Variants in SFXN1 observed in about 807,000 individuals in gnomAD.
The protein encoded by SFXN1 is sideroflexin-1.
A neutral mutation model predicts 39.5 loss-of-function variants in SFXN1; 32 were observed. The ratio of observed to expected loss-of-function variants is 0.81; its 90% confidence interval spans 0.61 to 1.09. The LOEUF (loss-of-function observed/expected upper bound fraction) is 1.09. Ranked by LOEUF, SFXN1 falls within the 50% of genes least tolerant of loss-of-function variation. The pLI is 0.00. For synonymous variants in SFXN1, 136 were observed against 146.5 expected (o/e 0.93, Z 0.52); for missense variants, 402 against 407.1 (o/e 0.99, Z 0.11).
At position 175,513,584 on chromosome 5, in the gene SFXN1, G is replaced by A. The variant is rs757177429; in HGVS notation, c.718G>A (p.Gly240Ser). Residue 240 changes from glycine (G) to serine (S), a missense_variant, in exon 7 of 11, where the codon GGC becomes AGC. Coordinates refer to ENST00000321442, the MANE Select transcript of SFXN1 (RefSeq NM_022754.7). ...VVSRILMAAP[G>S]MAIPPFIMNT... is the part of the protein sequence containing the mutation. ...GTCCAGGATTCTCATGGCAGCCCCT[G>A]GCATGGGTTAGCAGGACTTTGTCAT... 1.5e-5 allele frequency: 24 copies of A among 1,613,652 alleles called. No homozygotes were observed. Among genetic ancestry groups the A allele is most frequent in the Non-Finnish European group, 2.0e-5 (24 of 1,179,858 alleles).
chr5:175,505,067 C>T lies in SFXN1; in HGVS notation c.165-3965C>T, dbSNP rs115234185. 4.0e-3 allele frequency among the ~76,000 whole-genome samples: 614 copies of T among 152,064 alleles called. 7 individuals carry two copies. The highest frequency in any genetic ancestry group is 0.013 in the African/African-American group (552 of 41,482). ...AAAATGTAAAGTACTTGGGAAGAAA[C>T]GCACCCAGAAATTTGCGTCAATGAT... On this transcript the variant is annotated intron_variant, in intron 2 of 10. Coordinates refer to ENST00000321442, the MANE Select transcript of SFXN1 (RefSeq NM_022754.7).
chr5:175,482,358 A>T (rs1159141801), intron 1 of SFXN1, among the ~76,000 whole-genome samples: 1 of 152,228 alleles, frequency 6.6e-6, no homozygotes, highest in Non-Finnish European at 1.5e-5. Flanking sequence ...CTAATTCCTC[A>T]TAAAGCACAT....
In SFXN1 at chr5:175,513,588, T is replaced by C; in HGVS notation, c.722T>C (p.Met241Thr). 6.2e-7 allele frequency: 1 copy of C among 1,613,722 alleles called. No homozygotes were observed. The highest frequency in any genetic ancestry group is 8.5e-7 in the Non-Finnish European group (1 of 1,179,800). Residue 241 changes from methionine (M) to threonine (T), a missense_variant and splice_region_variant, in exon 7 of 11, where the codon ATG becomes ACG. Physicochemically the swap from Met to Thr is moderately conservative, Grantham distance 81 (BLOSUM62 -1). Coordinates refer to ENST00000321442, the MANE Select transcript of SFXN1 (RefSeq NM_022754.7). ...VSRILMAAPG[M>T]AIPPFIMNTL... ...AGGATTCTCATGGCAGCCCCTGGCA[T>C]GGGTTAGCAGGACTTTGTCATTTAT...
At chr5:175,507,724 C>A (rs1399064079) in intron 2 of SFXN1, among the ~76,000 whole-genome samples, 4 of 152,158 alleles carry the variant, frequency 2.6e-5, no homozygotes, top group African/African-American at 9.7e-5. Flanking sequence ...TGTAATCCAG[C>A]CCTTTGGAGG....
intron 1 of SFXN1, among the ~76,000 whole-genome samples, chr5:175,489,290 C>T (rs1238136721): frequency 1.3e-5 from 2 of 152,174 alleles, no homozygotes; most frequent in South Asian, 2.1e-4. Context: ...CGTATGATTA[C>T]GTGTGACTTC....
chr5:175,515,524 T>C (rs1407612356), intron 7 of SFXN1, among the ~76,000 whole-genome samples: 1 of 152,178 alleles, frequency 6.6e-6, no homozygotes, highest in African/African-American at 2.4e-5. Flanking sequence ...CTGATAAAAG[T>C]TGTCAGCAAA....
At chr5:175,516,214 C>G (rs1368461607) in intron 7 of SFXN1, among the ~76,000 whole-genome samples, 1 of 152,170 alleles carries the variant, frequency 6.6e-6, no homozygotes, top group African/African-American at 2.4e-5. Context: ...GGCCCCTGGT[C>G]TAGCCTGTAC....
intron 2 of SFXN1, among the ~76,000 whole-genome samples, chr5:175,498,428 G>T (rs1023794375): frequency 1.3e-5 from 2 of 152,140 alleles, no homozygotes; most frequent in Non-Finnish European, 2.9e-5. Flanking sequence ...TGCGGTAGGT[G>T]GTAGAGCCAG....
intron 2 of SFXN1, among the ~76,000 whole-genome samples, chr5:175,505,031 A>T (rs1760234508): frequency 6.6e-6 from 1 of 152,168 alleles, no homozygotes; most frequent in Non-Finnish European, 1.5e-5. Context: ...CCCGGCCAGA[A>T]CAATTTTTTA....
In SFXN1 at chr5:175,528,130, C is replaced by G. The variant is rs566167454; in HGVS notation, c.*1396C>G. On this transcript the variant is annotated 3_prime_UTR_variant, in exon 11 of 11. Transcript: ENST00000321442. ...TAGAGACGGGGTTTCACTGTGGTCTCGATCTCCTGACCTCGTGATCCGCCC... is the reference window on the plus strand; with the variant it reads ...TAGAGACGGGGTTTCACTGTGGTCTGGATCTCCTGACCTCGTGATCCGCCC... 8 of 152,128 alleles carry G rather than the reference C, an allele frequency of 5.3e-5. No individual in the cohort carries two copies. The East Asian group carries it at 1.4e-3, about 26-fold the overall frequency. 9.4% of individuals were successfully genotyped at this position (152,128 alleles called of 1,614,324 possible).
intron 8 of SFXN1, among the ~76,000 whole-genome samples, chr5:175,518,089 AG>A (rs777570801): frequency 1.3e-5 from 2 of 152,158 alleles, no homozygotes; most frequent in African/African-American, 2.4e-5. Context: ...AGCTGTGGGC[AG>A]GTGACTCACG....
intron 2 of SFXN1, among the ~76,000 whole-genome samples, chr5:175,506,868 G>T (rs1226477398): frequency 6.6e-6 from 1 of 152,172 alleles, no homozygotes; most frequent in Non-Finnish European, 1.5e-5. Flanking sequence ...TTTTCACCAT[G>T]TTGGCCAGTC....
chr5:175,501,415 A>T (rs916322079), intron 2 of SFXN1, among the ~76,000 whole-genome samples: 1 of 152,156 alleles, frequency 6.6e-6, no homozygotes, highest in Admixed American at 6.5e-5. Context: ...GACAATTATC[A>T]ATTGAAACGG....
chr5:175,526,502 G>A lies in SFXN1; in HGVS notation c.873-136G>A, dbSNP rs80043499. On this transcript the variant is annotated intron_variant, in intron 10 of 10. Transcript: ENST00000321442. Reference sequence around the variant, plus strand: ...AGGAACGTGATCTCGTTTTCTAGCCGCATGAAGCATTTCTCCAACAAGACC... The same window carrying A: ...AGGAACGTGATCTCGTTTTCTAGCCACATGAAGCATTTCTCCAACAAGACC... The A allele has an allele frequency of 4.9e-3, 3,193 of 656,984 alleles. 43 individuals are homozygous for A. Among genetic ancestry groups the A allele is most frequent in the African/African-American group, 0.031 (1,710 of 55,664 alleles). 40.7% of individuals were successfully genotyped at this position (656,984 alleles called of 1,614,324 possible).
intron 2 of SFXN1, among the ~76,000 whole-genome samples, chr5:175,504,003 C>CAA (rs56776430): frequency 0.11 from 5,590 of 51,862 alleles, 667 homozygotes; most frequent in African/African-American, 0.29. Context: ...CACTCCATCT[C>CAA]AAAAAAAAAA....
intron 10 of SFXN1, 50 bp downstream of exon 10, chr5:175,522,472 C>T (rs6897931): frequency 1.3e-6 from 2 of 1,563,650 alleles, no homozygotes; most frequent in Middle Eastern, 1.7e-4. Context: ...ATCCTAAAAA[C>T]CAATTGAAGG....
chr5:175,481,951 T>G (rs549543306), intron 1 of SFXN1, among the ~76,000 whole-genome samples: 1 of 152,334 alleles, frequency 6.6e-6, no homozygotes, highest in South Asian at 2.1e-4. Context: ...GTTAGTGTGA[T>G]TGTCCTTGGC....
In SFXN1 at chr5:175,526,874, C is replaced by A; in HGVS notation, c.*140C>A. Reference sequence around the variant, plus strand: ...TCCACATTAGCCTTTTAGAATAAAGCTGCTACTTTAACAGAGCACCTGGCG... The same window carrying A: ...TCCACATTAGCCTTTTAGAATAAAGATGCTACTTTAACAGAGCACCTGGCG... On this transcript the variant is annotated 3_prime_UTR_variant, in exon 11 of 11. Transcript: ENST00000321442. 1.4e-6 allele frequency: 1 copy of A among 705,884 alleles called. No homozygotes were observed. Among genetic ancestry groups the A allele is most frequent in the Non-Finnish European group, 2.4e-6 (1 of 408,262 alleles). 43.7% of individuals were successfully genotyped at this position (705,884 alleles called of 1,614,324 possible).
chr5:175,484,998 C>T (rs189092572), intron 1 of SFXN1, among the ~76,000 whole-genome samples: 11 of 152,284 alleles, frequency 7.2e-5, no homozygotes, highest in East Asian at 1.9e-4. Context: ...TCAGTTCATG[C>T]GTGAAAGAAG....
Sources: gnomAD v4.1 joint callset for allele counts (sites outside exome capture counted in the v4.1 genomes callset) on GRCh38, gnomAD v4.1.1 for gene constraint, MANE v1.5 for transcripts, NCBI Gene and HGNC (gene_info 2026-07-23, HGNC 2026-07-21) for gene names.